The following RNF103 variants were observed in gnomAD, a reference collection of about 807,000 sequenced individuals.
The protein encoded by RNF103 is E3 ubiquitin-protein ligase RNF103.
Under a neutral mutation model 66.2 loss-of-function variants are expected in RNF103, and 23 were observed. That is an observed-to-expected ratio of 0.35 (90% CI 0.25 to 0.49). The LOEUF is 0.49. RNF103 is among the 20% of genes least tolerant of loss of function. The probability of loss-of-function intolerance (pLI) is 0.98; values close to 1 mark genes in which losing one functional copy is unlikely to be tolerated. For missense variants in RNF103, 730 were observed against 814.7 expected (o/e 0.90, Z 1.27); for synonymous variants, 297 against 289.9 (o/e 1.02, Z -0.25).
In RNF103 at chr2:86,605,046, C is replaced by T. The variant is rs377682850; in HGVS notation, c.855G>A (p.Met285Ile). ...SYMTDIGIYN[M>I]PSYILRTPEG... ...CAGGAGTTCTAAGTATGTATGATGGCATATTATATATGCCAATATCTGTCA... is the reference window on the plus strand; with the variant it reads ...CAGGAGTTCTAAGTATGTATGATGGTATATTATATATGCCAATATCTGTCA... The change falls in exon 4 of 4, where the codon ATG becomes ATA. Residue 285 changes from methionine to isoleucine, a missense_variant. This residue lies in a region of RNF103 where 327 missense variants were observed against 369.8 expected (regional missense o/e 0.88). Transcript: ENST00000237455. 1.2e-6 allele frequency: 2 copies of T among 1,614,000 alleles called. No homozygotes were observed. Among genetic ancestry groups the T allele is most frequent in the Non-Finnish European group, 1.7e-6 (2 of 1,179,992 alleles).
chr2:86,621,854 A>T (rs1679241280), intron 1 of RNF103, among the ~76,000 whole-genome samples: 1 of 152,200 alleles, frequency 6.6e-6, no homozygotes, highest in African/African-American at 2.4e-5. Context: ...AGTGAAAAAA[A>T]TTAACCATAT....
Position 86,623,791 on chromosome 2 carries a change from C to T in RNF103, c.-905G>A, listed in dbSNP as rs984599229. ...GCAGCACCCGTCCCCAACACCCCCG[C>T]CACCTCCGGAGACCGCGGCCGTACC... On this transcript the variant is annotated 5_prime_UTR_variant, in exon 1 of 4. An upstream open reading frame in the 5' UTR gains an earlier in-frame stop. Transcript: ENST00000237455. The T allele has an allele frequency of 7.8e-7, 1 of 1,282,756 alleles. No homozygotes were observed. The highest frequency in any genetic ancestry group is 1.0e-6 in the Non-Finnish European group (1 of 986,400). The allele number at this position is 1,282,756 out of a possible 1,614,324, so 79.5% of individuals were successfully genotyped here.
intron 2 of RNF103, 174 bp from the exon 3 acceptor site, chr2:86,612,448 AG>A: frequency 1.3e-5 from 7 of 534,506 alleles, no homozygotes; most frequent in Non-Finnish European, 2.0e-5. Context: ...ACTATCCAAT[AG>A]GAAAAAGACT....
chr2:86,617,811 T>A lies in RNF103; in HGVS notation c.366+2519A>T, dbSNP rs1679083306. On this transcript the variant is annotated intron_variant, in intron 2 of 3. Transcript: ENST00000237455. ...AGTTTTAAAAAGTACAACCCTCTTTTAAGGGCTTAAACCAAGGTGGCTGTG... is the reference window on the plus strand; with the variant it reads ...AGTTTTAAAAAGTACAACCCTCTTTAAAGGGCTTAAACCAAGGTGGCTGTG... 3.8e-6 allele frequency: 4 copies of A among 1,047,006 alleles called. No homozygotes were observed. The South Asian group carries it at 1.2e-4, about 32-fold the overall frequency. 64.9% of individuals were successfully genotyped at this position (1,047,006 alleles called of 1,614,324 possible).
At chr2:86,606,354 G>A (rs1678545271) in intron 3 of RNF103, among the ~76,000 whole-genome samples, 1 of 152,068 alleles carries the variant, frequency 6.6e-6, no homozygotes, top group South Asian at 2.1e-4. Flanking sequence ...TAGGTAATGA[G>A]AGAAAAGAAA....
intron 3 of RNF103, among the ~76,000 whole-genome samples, chr2:86,610,421 T>C (rs953601996): frequency 6.6e-6 from 1 of 152,226 alleles, no homozygotes; most frequent in African/African-American, 2.4e-5. Context: ...GACTGAATTA[T>C]GATACTTCTG....
intron 2 of RNF103, chr2:86,618,802 T>G (rs1679116791): frequency 6.6e-6 from 1 of 152,146 alleles, no homozygotes; most frequent in Non-Finnish European, 1.5e-5. Context: ...TAGAAATAAG[T>G]ACCAGAGAAA....
chr2:86,620,263 A>G (rs1679177033), intron 2 of RNF103, 67 bp downstream of exon 2: 1 of 1,504,214 alleles, frequency 6.6e-7, no homozygotes, highest in Non-Finnish European at 9.0e-7. Flanking sequence ...TGGCTGGTAC[A>G]TACTATTTTG....
rs1462331309 is a variant in RNF103 at position 86,623,786 on chromosome 2, C to T, written c.-900G>A. ...CGGTCGCAGCACCCGTCCCCAACAC[C>T]CCCGCCACCTCCGGAGACCGCGGCC... On this transcript the variant is annotated 5_prime_UTR_variant, in exon 1 of 4. Transcript: ENST00000237455. 5 of 1,282,884 alleles carry T rather than the reference C, an allele frequency of 3.9e-6. No individual in the cohort carries two copies. Among genetic ancestry groups the T allele is most frequent in the Non-Finnish European group, 5.1e-6 (5 of 986,486 alleles). The allele number at this position is 1,282,884 out of a possible 1,614,324, so 79.5% of individuals were successfully genotyped here.
In RNF103 at chr2:86,622,932, G is replaced by C; in HGVS notation, c.-46C>G. 1 of 1,548,050 alleles carries C rather than the reference G, an allele frequency of 6.5e-7. No individual in the cohort carries two copies. Among genetic ancestry groups the C allele is most frequent in the South Asian group, 1.2e-5 (1 of 83,950 alleles). On this transcript the variant is annotated 5_prime_UTR_variant, in exon 1 of 4. Coordinates refer to ENST00000237455, the MANE Select transcript of RNF103 (RefSeq NM_005667.4). ...TTTCCAGAGAGCTCGGAATACGGGA[G>C]AGAGAAGGGTCGAGGGCGGGGGCCG...
rs563914853 is a variant in RNF103, at chr2:86,615,510, T to C, written c.367-3236A>G. Reference sequence around the variant, plus strand: ...ATATTCTCAGCCTAATATATATATATACATATGCCTTATATATATATATAT... The same window carrying C: ...ATATTCTCAGCCTAATATATATATACACATATGCCTTATATATATATATAT... On this transcript the variant is annotated intron_variant, in intron 2 of 3. Transcript: ENST00000237455. 5.8e-4 allele frequency among the ~76,000 whole-genome samples: 80 copies of C among 137,950 alleles called. No homozygotes were observed. The East Asian group carries it at 6.3e-3, about 11-fold the overall frequency. 90.5% of individuals were successfully genotyped at this position (137,950 alleles called of 152,430 possible).
chr2:86,613,819 T>C (rs1678900931), intron 2 of RNF103: 1 of 152,244 alleles, frequency 6.6e-6, no homozygotes, highest in Non-Finnish European at 1.5e-5. Context: ...GACACTCCAC[T>C]ACCATCCTCA....
chr2:86,615,540 T>TATATATAAA, intron 2 of RNF103, among the ~76,000 whole-genome samples: 1 of 126,912 alleles, frequency 7.9e-6, no homozygotes. Context: ...ATATATATAA[T>TATATATAAA]ATATATACAC....
chr2:86,616,634 C>A (rs1244858337), intron 2 of RNF103: 3 of 985,052 alleles, frequency 3.0e-6, no homozygotes, highest in African/African-American at 3.5e-5. Context: ...CTCTTGTCAG[C>A]CAAACAGGAA....
In RNF103 at chr2:86,623,593, A is replaced by T. The variant is rs1202846695; in HGVS notation, c.-707T>A. On this transcript the variant is annotated 5_prime_UTR_variant, in exon 1 of 4. Coordinates refer to ENST00000237455, the MANE Select transcript of RNF103 (RefSeq NM_005667.4). The stretch of plus-strand genomic sequence containing the variant: ...GGCCGGCTGGCGGGCGGCGCCTCTC[A>T]GGCGGGCGGGCACTGCGGCCCGGCC... The T allele has an allele frequency of 9.9e-7, 1 of 1,006,540 alleles. No individual in the cohort carries two copies. The highest frequency in any genetic ancestry group is 1.8e-5 in the African/African-American group (1 of 57,040). 62.4% of individuals were successfully genotyped at this position (1,006,540 alleles called of 1,614,324 possible). A position where few individuals can be genotyped will look rare whatever the true frequency, so the allele number is the denominator to read the frequency against.
chr2:86,603,638 AAAT>A lies in RNF103; in HGVS notation c.*202_*204del, dbSNP rs1416500449. ...TTAACTTCTGAATTTCCAATGTTGT[AAAT>A]AAAAAAATTTTACAATTAGGTATGC... is the stretch of plus-strand genomic sequence containing the variant. On this transcript the variant is annotated 3_prime_UTR_variant, in exon 4 of 4. Transcript: ENST00000237455. 1.6e-6 allele frequency: 1 copy of A among 621,740 alleles called. No individual in the cohort carries two copies. The highest frequency in any genetic ancestry group is 2.5e-6 in the Non-Finnish European group (1 of 392,980). 38.5% of individuals were successfully genotyped at this position (621,740 alleles called of 1,614,324 possible).
chr2:86,616,337 A>G (rs1558687304), intron 2 of RNF103: 1 of 255,302 alleles, frequency 3.9e-6, no homozygotes, highest in Non-Finnish European at 6.1e-6. Context: ...TATAATAGGG[A>G]GTCTCTACTT....
intron 3 of RNF103, among the ~76,000 whole-genome samples, chr2:86,611,570 TAAAC>T (rs543308455): frequency 6.6e-6 from 1 of 151,106 alleles, no homozygotes; most frequent in Non-Finnish European, 1.5e-5. Context: ...AAACAAAACA[TAAAC>T]AAAAACACCT....
At chr2:86,620,823 C>T (rs1208392875) in intron 1 of RNF103, among the ~76,000 whole-genome samples, 1 of 152,154 alleles carries the variant, frequency 6.6e-6, no homozygotes, top group East Asian at 1.9e-4. Context: ...TTATGAATGA[C>T]ACATACAGGC....
Sources: gnomAD v4.1 joint callset for allele counts (sites outside exome capture counted in the v4.1 genomes callset) on GRCh38, gnomAD v4.1.1 for gene constraint, gnomAD v4.1.1 regional missense constraint, MANE v1.5 for transcripts, NCBI Gene and HGNC (gene_info 2026-07-23, HGNC 2026-07-21) for gene names.